The following FGF13 variants were observed in gnomAD, a reference collection of about 807,000 sequenced individuals.
FGF13 encodes fibroblast growth factor homologous factor 2.
A neutral mutation model predicts 19.5 loss-of-function variants in FGF13; 2 were observed. The observed-to-expected ratio is 0.10, with a 90% CI of 0.04 to 0.32. FGF13 has a LOEUF of 0.32. Among genes scored for constraint, FGF13 ranks in the 10% least tolerant of loss-of-function variants. The pLI is 1.00. For synonymous variants in FGF13, 72 were observed against 76.9 expected (o/e 0.94, Z 0.33); for missense variants, 113 against 192.7 (o/e 0.59, Z 2.45).
intron 4 of FGF13, 127 bp from the exon 5 acceptor site, chrX:138,633,113 ATGT>A: frequency 1.6e-6 from 1 of 633,069 alleles, no homozygotes; most frequent in Non-Finnish European, 2.2e-6. Context: ...GGTAATGCAT[ATGT>A]TAATTAGCTT....
At chrX:138,741,414 C>A (rs1244494235), upstream of FGF13, among the ~76,000 whole-genome samples, 1 of 111,312 alleles carries the variant, frequency 9.0e-6, no homozygotes, top group Non-Finnish European at 1.9e-5. Flanking sequence ...CGACATGGAG[C>A]CAAATTGCAA....
chrX:138,897,891 C>T (rs773712381), intron 1 of FGF13, among the ~76,000 whole-genome samples: 41 of 111,284 alleles, frequency 3.7e-4, no homozygotes, highest in Middle Eastern at 4.6e-3. Context: ...AACCCAAAAG[C>T]CCATACCTTT....
At chrX:138,879,399 T>C (rs1297459465) in intron 1 of FGF13, among the ~76,000 whole-genome samples, 3 of 112,197 alleles carry the variant, frequency 2.7e-5, no homozygotes, top group African/African-American at 6.5e-5. Flanking sequence ...CCGTTGCTCA[T>C]GCTTTTGCTG....
At chrX:138,885,017 AG>A (rs2091444853) in intron 1 of FGF13, among the ~76,000 whole-genome samples, 1 of 112,214 alleles carries the variant, frequency 8.9e-6, no homozygotes, top group African/African-American at 3.2e-5. Context: ...CCTTACCATC[AG>A]GGTGCCTAGT....
intron 3 of FGF13, among the ~76,000 whole-genome samples, chrX:138,832,501 T>C (rs138812652): frequency 3.4e-3 from 386 of 112,164 alleles, no homozygotes; most frequent in African/African-American, 0.01. Context: ...CACTTTTTAA[T>C]AGGGTTGTTT....
intron 3 of FGF13, among the ~76,000 whole-genome samples, chrX:138,767,487 C>A (rs1050088924): frequency 9.0e-6 from 1 of 111,547 alleles, no homozygotes; most frequent in Non-Finnish European, 1.9e-5. Flanking sequence ...CTTTGAGAAA[C>A]AAGCAATACT....
At chrX:139,167,634 T>C (rs925583539) in intron 1 of FGF13, among the ~76,000 whole-genome samples, 1 of 112,011 alleles carries the variant, frequency 8.9e-6, no homozygotes, top group Non-Finnish European at 1.9e-5. Context: ...TGATACAGAA[T>C]GATAAAGATC....
At chrX:138,805,769 G>A (rs1010470985) in intron 3 of FGF13, among the ~76,000 whole-genome samples, 1 of 111,450 alleles carries the variant, frequency 9.0e-6, no homozygotes, top group African/African-American at 3.3e-5. Context: ...TGTTGACTAT[G>A]GGTACAAGGT....
intron 1 of FGF13, among the ~76,000 whole-genome samples, chrX:139,102,245 C>T (rs2083520473): frequency 9.0e-6 from 1 of 111,686 alleles, no homozygotes; most frequent in African/African-American, 3.3e-5. Context: ...AACATCCCTG[C>T]TTTATTACTT....
At chrX:139,188,347 T>C (rs774377316) in intron 1 of FGF13, among the ~76,000 whole-genome samples, 6 of 112,301 alleles carry the variant, frequency 5.3e-5, no homozygotes, top group Non-Finnish European at 9.4e-5. Flanking sequence ...ATATTAAGGA[T>C]TGAGGGCGTT....
intron 1 of FGF13, among the ~76,000 whole-genome samples, chrX:139,114,142 G>T (rs2083622931): frequency 8.9e-6 from 1 of 111,789 alleles, no homozygotes; most frequent in Non-Finnish European, 1.9e-5. Context: ...TCAAGCTCAT[G>T]AAAAAATGCC....
chrX:138,831,633 C>G (rs927897050), intron 3 of FGF13, among the ~76,000 whole-genome samples: 4 of 111,244 alleles, frequency 3.6e-5, no homozygotes, highest in African/African-American at 9.8e-5. Flanking sequence ...TCCTGTCCTT[C>G]CATTGTATGT....
At chrX:138,747,166 C>T (rs2090362297) in intron 3 of FGF13, among the ~76,000 whole-genome samples, 2 of 111,379 alleles carry the variant, frequency 1.8e-5, no homozygotes, top group Non-Finnish European at 3.8e-5. Context: ...AAAAGGCATG[C>T]TAACAGGAGA....
chrX:138,925,912 T>A, intron 1 of FGF13, among the ~76,000 whole-genome samples: 1 of 111,898 alleles, frequency 8.9e-6, no homozygotes, highest in South Asian at 3.8e-4. Flanking sequence ...AGAGCTCAGA[T>A]GTAGTAAGAA....
chrX:138,896,573 A>C (rs1371197142), intron 1 of FGF13, among the ~76,000 whole-genome samples: 1 of 111,599 alleles, frequency 9.0e-6, no homozygotes, highest in Non-Finnish European at 1.9e-5. Context: ...AGATATATCC[A>C]AACTCCTCAC....
chrX:139,175,800 A>G (rs759532866), intron 1 of FGF13, among the ~76,000 whole-genome samples: 1 of 111,931 alleles, frequency 8.9e-6, no homozygotes, highest in East Asian at 2.8e-4. Flanking sequence ...GATCCAGTTT[A>G]CTAGTATTTT....
At chrX:139,114,292 C>T (rs1442626431) in intron 1 of FGF13, among the ~76,000 whole-genome samples, 1 of 112,284 alleles carries the variant, frequency 8.9e-6, no homozygotes, top group East Asian at 2.8e-4. Flanking sequence ...ATACATGAAT[C>T]AGGAGGCAAC....
At chrX:138,766,892 CA>C (rs1371386451) in intron 3 of FGF13, among the ~76,000 whole-genome samples, 1 of 111,899 alleles carries the variant, frequency 8.9e-6, no homozygotes, top group Non-Finnish European at 1.9e-5. Flanking sequence ...TATAGCTAGC[CA>C]ATTATCTCAG....
chrX:138,841,900 G>A (rs1253525713), intron 3 of FGF13, among the ~76,000 whole-genome samples: 1 of 111,730 alleles, frequency 9.0e-6, no homozygotes, highest in African/African-American at 3.3e-5. Context: ...CATTTTGGCA[G>A]TTATTTTAAA....
Sources: allele counts gnomAD v4.1 joint callset (sites outside exome capture counted in the v4.1 genomes callset), GRCh38; gene constraint gnomAD v4.1.1; transcripts MANE v1.5; gene names NCBI Gene and HGNC (gene_info 2026-07-23, HGNC 2026-07-21).